VPS41: variants seen among roughly 807,000 people sequenced by gnomAD.
The protein encoded by VPS41 is vacuolar protein sorting-associated protein 41 homolog.
Under a neutral mutation model 130.9 loss-of-function variants are expected in VPS41, and 85 were observed. That is an observed-to-expected ratio of 0.65 (90% CI 0.55 to 0.78). VPS41 has a LOEUF of 0.78. Among genes scored for constraint, VPS41 ranks in the 30% least tolerant of loss-of-function variants. The pLI, the probability that VPS41 is intolerant of heterozygous loss-of-function variation, is 0.00. For missense variants in VPS41, 874 were observed against 1,018.7 expected, an observed-to-expected ratio of 0.86 and a Z score of 1.93; for synonymous variants, 335 against 332.9, an observed-to-expected ratio of 1.01 and a Z score of -0.07.
At chr7:38,752,626 G>C (rs2074655) in intron 21 of VPS41, among the ~76,000 whole-genome samples, 5 of 151,966 alleles carry the variant, frequency 3.3e-5, no homozygotes, top group Non-Finnish European at 7.4e-5. Context: ...ACAATTAAAC[G>C]AGTTGCCATT....
Position 38,754,550 on chromosome 7 carries a change from G to A in VPS41, c.1788+152C>T. On this transcript the variant is annotated intron_variant, in intron 21 of 28. Coordinates refer to ENST00000310301, the MANE Select transcript of VPS41 (RefSeq NM_014396.4). ...AATTCACAGCATATGCTGCATTTTG[G>A]TAATTACAGAACATTGTTTGTGGTG... The A allele has an allele frequency of 9.7e-6, 6 of 619,588 alleles. 1 individual carries two copies. The highest frequency in any genetic ancestry group is 7.1e-5 in the South Asian group (3 of 42,336). The allele number at this position is 619,588 out of a possible 1,614,324, so 38.4% of individuals were successfully genotyped here. A position where few individuals can be genotyped will look rare whatever the true frequency, so the allele number is the denominator to read the frequency against.
Position 38,726,922 on chromosome 7 carries a change from G to C in VPS41, c.2471C>G (p.Pro824Arg). The C allele has an allele frequency of 6.3e-7, 1 of 1,581,446 alleles. No individual in the cohort carries two copies. Among genetic ancestry groups the C allele is most frequent in the Non-Finnish European group, 8.6e-7 (1 of 1,164,132 alleles). Reference protein sequence around the residue: ...CRHMFHKECLPMPSMNSAAQF... With the variant: ...CRHMFHKECLRMPSMNSAAQF... ...CTGCCAACTCACCATGCTGGGCATGGGCAGGCACTCCTTGTGGAACATGTG... is the reference window on the plus strand; with the variant it reads ...CTGCCAACTCACCATGCTGGGCATGCGCAGGCACTCCTTGTGGAACATGTG... Residue 824 changes from proline (P) to arginine (R), a missense_variant, in exon 28 of 29, where the codon CCC (proline) becomes CGC (arginine). By Grantham distance (103) the Pro-to-Arg change is moderately radical. Coordinates refer to ENST00000310301, the MANE Select transcript of VPS41 (RefSeq NM_014396.4).
chr7:38,742,250 T>C lies in VPS41; in HGVS notation c.2123-129A>G, dbSNP rs36004953. On this transcript the variant is annotated intron_variant, in intron 24 of 28. Transcript: ENST00000310301. ...AAAGAAAAAATTATTTCCTTCAAAG[T>C]AAGTGTTAAAACCATTTGAATTTCT... 65,434 of 880,614 alleles carry C rather than the reference T, an allele frequency of 0.074. 2,946 individuals are homozygous for C. Among genetic ancestry groups the C allele is most frequent in the South Asian group, 0.13 (6,823 of 52,360 alleles). 54.6% of individuals were successfully genotyped at this position (880,614 alleles called of 1,614,324 possible).
chr7:38,787,122 T>C (rs1251918597), intron 10 of VPS41, among the ~76,000 whole-genome samples: 2 of 152,224 alleles, frequency 1.3e-5, no homozygotes, highest in Admixed American at 6.5e-5. Flanking sequence ...TCATTCTATA[T>C]AGATTCTCAT....
At chr7:38,738,800 C>T (rs1795824247) in intron 25 of VPS41, among the ~76,000 whole-genome samples, 1 of 152,154 alleles carries the variant, frequency 6.6e-6, no homozygotes, top group Admixed American at 6.5e-5. Flanking sequence ...GCAGTGATTA[C>T]ACTAACAAGG....
At chr7:38,907,043 A>G (rs1433364301) in intron 1 of VPS41, among the ~76,000 whole-genome samples, 1 of 151,988 alleles carries the variant, frequency 6.6e-6, no homozygotes, top group Non-Finnish European at 1.5e-5. Context: ...GGATGTTCCA[A>G]GCTCTGTGGT....
chr7:38,747,619 A>T (rs1407765127), intron 22 of VPS41, among the ~76,000 whole-genome samples: 1 of 152,174 alleles, frequency 6.6e-6, no homozygotes, highest in African/African-American at 2.4e-5. Context: ...CAAACCACAA[A>T]AGAGTTTGCA....
intron 16 of VPS41, among the ~76,000 whole-genome samples, chr7:38,764,582 G>A (rs1783992282): frequency 1.3e-5 from 2 of 152,068 alleles, no homozygotes; most frequent in Admixed American, 1.3e-4. Context: ...TAAGGCAATG[G>A]TACCACAGGG....
intron 23 of VPS41, among the ~76,000 whole-genome samples, chr7:38,744,475 C>T (rs974976650): frequency 9.9e-5 from 15 of 152,076 alleles, no homozygotes; most frequent in Non-Finnish European, 1.8e-4. Flanking sequence ...ATATTATTTC[C>T]ACAGTTTATG....
intron 2 of VPS41, among the ~76,000 whole-genome samples, chr7:38,894,094 G>A (rs1200232755): frequency 1.3e-5 from 2 of 152,032 alleles, no homozygotes; most frequent in African/African-American, 2.4e-5. Flanking sequence ...ACTTGAATAA[G>A]GAAAAGGTAG....
rs902898041 is a variant in VPS41 at position 38,872,862 on chromosome 7, G to A, written c.61-3609C>T. 5.3e-5 allele frequency among the ~76,000 whole-genome samples: 8 copies of A among 152,330 alleles called. 1 individual carries two copies. Among genetic ancestry groups the A allele is most frequent in the Admixed American group, 3.3e-4 (5 of 15,288 alleles). On this transcript the variant is annotated intron_variant, in intron 2 of 28. Transcript: ENST00000310301. The stretch of plus-strand genomic sequence containing the variant: ...CAAAGTTAATATTAAATGTAGCACA[G>A]ATGATGTGTGCATTCTGAAGTAAAC...
chr7:38,872,072 G>A (rs182397700), intron 2 of VPS41, among the ~76,000 whole-genome samples: 66 of 152,248 alleles, frequency 4.3e-4, no homozygotes, highest in South Asian at 2.7e-3. Context: ...TTCTCACGGC[G>A]TTGCAGACAA....
chr7:38,728,741 G>A lies in VPS41; in HGVS notation c.2310C>T (p.Ser770=), dbSNP rs773402416. ...GAGTTCGGTGCATTTTCTTCAGTAA[G>A]GACAAAGAGTCAGCTACGAGAATCT... ...CKKILVADSL[S]LLKKMHRTQM... is the part of the protein sequence containing the mutation. The change falls in exon 26 of 29, where the codon TCC becomes TCT. Residue 770 remains serine (S), a synonymous_variant. Coordinates refer to ENST00000310301, the MANE Select transcript of VPS41 (RefSeq NM_014396.4). 1.5e-5 allele frequency: 25 copies of A among 1,614,002 alleles called. No individual in the cohort carries two copies. The Admixed American group carries it at 4.2e-4, about 27-fold the overall frequency.
intron 2 of VPS41, among the ~76,000 whole-genome samples, chr7:38,870,558 T>C (rs1034081557): frequency 1.6e-4 from 24 of 151,874 alleles, no homozygotes; most frequent in African/African-American, 5.3e-4. Context: ...GAAAGAAAAC[T>C]ACTGGGGCCT....
intron 10 of VPS41, among the ~76,000 whole-genome samples, chr7:38,785,081 T>C (rs949707812): frequency 3.9e-5 from 6 of 152,236 alleles, no homozygotes; most frequent in East Asian, 1.9e-4. Context: ...CCCTTTATGA[T>C]AGATAGTGTC....
At chr7:38,886,137 T>C (rs1339729692) in intron 2 of VPS41, among the ~76,000 whole-genome samples, 2 of 151,644 alleles carry the variant, frequency 1.3e-5, no homozygotes, top group Admixed American at 6.6e-5. Context: ...CTGGTTCATC[T>C]CATTGGGACT....
chr7:38,855,208 C>CAA (rs746134361), intron 4 of VPS41, among the ~76,000 whole-genome samples: 1,385 of 76,172 alleles, frequency 0.018, 42 homozygotes, highest in African/African-American at 0.054. Context: ...GACTCCCTCT[C>CAA]AAAAAAAAAA....
chr7:38,817,970 T>C, intron 6 of VPS41, 88 bp from the exon 7 acceptor site: 1 of 1,021,746 alleles, frequency 9.8e-7, no homozygotes, highest in Non-Finnish European at 1.5e-6. Context: ...AGCAGCATGA[T>C]CTAAAAATTA....
chr7:38,811,634 C>T lies in VPS41; in HGVS notation c.450+6183G>A, dbSNP rs1319184123. 2.1e-5 allele frequency among the ~76,000 whole-genome samples: 3 copies of T among 143,920 alleles called. No individual in the cohort carries two copies. In the East Asian group the frequency reaches 6.4e-4, roughly 31 times the overall value. 94.4% of individuals were successfully genotyped at this position (143,920 alleles called of 152,430 possible). ...ACACACACACACCCCTCCATATATA[C>T]AGATAGATAGATATATCTCATTCAT... On this transcript the variant is annotated intron_variant, in intron 7 of 28. Coordinates refer to ENST00000310301, the MANE Select transcript of VPS41 (RefSeq NM_014396.4).
Sources: gnomAD v4.1 joint callset for allele counts (sites outside exome capture counted in the v4.1 genomes callset) on GRCh38, gnomAD v4.1.1 for gene constraint, MANE v1.5 for transcripts, NCBI Gene and HGNC (gene_info 2026-07-23, HGNC 2026-07-21) for gene names.